The following EDN1 variants were observed in gnomAD, a reference collection of about 807,000 sequenced individuals.
EDN1 encodes endothelin 1.
EDN1 carries 11 observed loss-of-function variants against 21.7 expected under a neutral mutation model. The ratio of observed to expected loss-of-function variants is 0.51; its 90% CI spans 0.32 to 0.84. The LOEUF is 0.84. Ranked by LOEUF, EDN1 falls within the 40% of genes least tolerant of loss-of-function variation. The probability of loss-of-function intolerance (pLI) is 0.03; values close to 1 mark genes in which losing one functional copy is unlikely to be tolerated. For missense variants in EDN1, 244 were observed against 262.3 expected (o/e 0.93, Z 0.48); for synonymous variants, 85 against 90.6 (o/e 0.94, Z 0.35).
chr6:12,291,192 A>T (rs1228087017), intron 1 of EDN1, among the ~76,000 whole-genome samples: 2 of 151,576 alleles, frequency 1.3e-5, no homozygotes, highest in African/African-American at 4.9e-5. Context: ...CCTGCAGAGC[A>T]AAAGTCTGTT....
At chr6:12,283,479 A>T in the EDN1 span, among the ~76,000 whole-genome samples, 2 of 152,220 alleles carry the variant, frequency 1.3e-5, no homozygotes, top group Non-Finnish European at 2.9e-5. Context: ...TGGAGATTTG[A>T]ACTCATACAA....
At chr6:12,251,317 G>T in the EDN1 span, among the ~76,000 whole-genome samples, 2 of 152,182 alleles carry the variant, frequency 1.3e-5, no homozygotes, top group African/African-American at 4.8e-5. Context: ...AAGTGACATA[G>T]ATCTTGCTAA....
At chr6:12,278,799 A>G in the EDN1 span, among the ~76,000 whole-genome samples, 2 of 152,092 alleles carry the variant, frequency 1.3e-5, no homozygotes, top group Admixed American at 1.3e-4. Flanking sequence ...TGGGAGGCTG[A>G]GTCATGAGAA....
the EDN1 span, among the ~76,000 whole-genome samples, chr6:12,279,006 A>G: frequency 2.0e-5 from 3 of 152,296 alleles, no homozygotes; most frequent in East Asian, 5.8e-4. Flanking sequence ...TCCTGAATTT[A>G]TATTTTCATC....
upstream of EDN1, among the ~76,000 whole-genome samples, chr6:12,285,550 T>C (rs1163564001): frequency 1.3e-5 from 2 of 151,886 alleles, no homozygotes; most frequent in African/African-American, 4.8e-5. Flanking sequence ...TGTGTGGGCA[T>C]AGAAGATACA....
chr6:12,281,126 A>G, the EDN1 span, among the ~76,000 whole-genome samples: 1 of 152,104 alleles, frequency 6.6e-6, no homozygotes, highest in African/African-American at 2.4e-5. Context: ...CGACTGCCTG[A>G]TTCTTCCTCT....
chr6:12,266,674 C>A, the EDN1 span, among the ~76,000 whole-genome samples: 2 of 152,140 alleles, frequency 1.3e-5, no homozygotes, highest in Non-Finnish European at 2.9e-5. Flanking sequence ...GGAAAGGTGA[C>A]AACTAAGCAG....
chr6:12,269,340 A>G, the EDN1 span, among the ~76,000 whole-genome samples: 1 of 151,972 alleles, frequency 6.6e-6, no homozygotes, highest in Non-Finnish European at 1.5e-5. Context: ...GCCTAATTGT[A>G]CTTGCCAGGA....
the EDN1 span, among the ~76,000 whole-genome samples, chr6:12,284,742 AG>A: frequency 0.16 from 14,878 of 93,108 alleles, 848 homozygotes; most frequent in East Asian, 0.24. Context: ...GAAGGAAGGA[AG>A]GAAGGAAGAA....
chr6:12,282,591 CCTT>C, the EDN1 span, among the ~76,000 whole-genome samples: 63 of 152,296 alleles, frequency 4.1e-4, no homozygotes, highest in East Asian at 0.011. Context: ...TCCTCCTCCT[CCTT>C]CTTCCTCTCC....
chr6:12,286,902 C>A (rs529561091), upstream of EDN1, among the ~76,000 whole-genome samples: 1 of 152,100 alleles, frequency 6.6e-6, no homozygotes, highest in Non-Finnish European at 1.5e-5. Flanking sequence ...TTGCTTGAGG[C>A]CAGGATTTCA....
At chr6:12,252,783 G>T in the EDN1 span, among the ~76,000 whole-genome samples, 31 of 152,114 alleles carry the variant, frequency 2.0e-4, no homozygotes, top group African/African-American at 7.5e-4. Context: ...CTCACTATAA[G>T]CCACGTGCTC....
At chr6:12,287,710 TCTCA>T (rs1310505475), upstream of EDN1, among the ~76,000 whole-genome samples, 62 of 67,420 alleles carry the variant, frequency 9.2e-4, no homozygotes, top group Middle Eastern at 7.5e-3. Flanking sequence ...TCTCTCTCTC[TCTCA>T]CACACACACA....
chr6:12,253,793 G>A, the EDN1 span, among the ~76,000 whole-genome samples: 1 of 152,072 alleles, frequency 6.6e-6, no homozygotes, highest in Non-Finnish European at 1.5e-5. Flanking sequence ...TGAGGGTATT[G>A]TCCTACTGCC....
the EDN1 span, among the ~76,000 whole-genome samples, chr6:12,258,580 G>A: frequency 1.3e-5 from 2 of 151,958 alleles, no homozygotes; most frequent in Non-Finnish European, 2.9e-5. Context: ...TATAAGTGAA[G>A]GTGAAAATCC....
At chr6:12,260,879 A>G in the EDN1 span, among the ~76,000 whole-genome samples, 1 of 152,158 alleles carries the variant, frequency 6.6e-6, no homozygotes, top group Non-Finnish European at 1.5e-5. Flanking sequence ...GATTTGTTGA[A>G]ATGCTGTATG....
chr6:12,262,960 A>G, the EDN1 span, among the ~76,000 whole-genome samples: 1 of 152,046 alleles, frequency 6.6e-6, no homozygotes, highest in Non-Finnish European at 1.5e-5. Context: ...CCTAGGGCAC[A>G]ATTCAAAGTG....
chr6:12,233,682 G>A, the EDN1 span, among the ~76,000 whole-genome samples: 1 of 152,166 alleles, frequency 6.6e-6, no homozygotes, highest in African/African-American at 2.4e-5. Context: ...ACGCTGGCAT[G>A]TTGAAAATAA....
the EDN1 span, among the ~76,000 whole-genome samples, chr6:12,245,269 G>A: frequency 6.6e-6 from 1 of 152,128 alleles, no homozygotes; most frequent in South Asian, 2.1e-4. Flanking sequence ...TAGAGATGAG[G>A]AAACTGAGAA....
Sources: allele counts gnomAD v4.1 joint callset (sites outside exome capture counted in the v4.1 genomes callset), GRCh38; gene constraint gnomAD v4.1.1; transcripts MANE v1.5; gene names NCBI Gene and HGNC (gene_info 2026-07-23, HGNC 2026-07-21).